The following JCAD variants were observed in gnomAD, a reference collection of about 807,000 sequenced individuals.
The protein encoded by JCAD is junctional cadherin 5-associated protein.
A neutral mutation model predicts 98.0 loss-of-function variants in JCAD; 40 were observed. The observed-to-expected ratio is 0.41, with a 90% confidence interval of 0.32 to 0.53. The LOEUF is 0.53. JCAD is among the 20% of genes least tolerant of loss of function. The probability of loss-of-function intolerance (pLI) is 0.31; values close to 1 mark genes in which losing one functional copy is unlikely to be tolerated. For synonymous variants in JCAD, 691 were observed against 682.3 expected (o/e 1.01, Z -0.20); for missense variants, 1,705 against 1,738.1 (o/e 0.98, Z 0.34).
intron 1 of JCAD, among the ~76,000 whole-genome samples, chr10:30,083,612 T>C (rs1838121351): frequency 6.6e-6 from 1 of 152,214 alleles, no homozygotes. Context: ...AAAATGCCTA[T>C]AAGCAAATCT....
At chr10:30,054,894 C>T (rs536209393) in intron 1 of JCAD, among the ~76,000 whole-genome samples, 14 of 152,252 alleles carry the variant, frequency 9.2e-5, no homozygotes, top group Admixed American at 5.2e-4. Flanking sequence ...TGGTCTCGAT[C>T]TCCTGACCTC....
intron 1 of JCAD, among the ~76,000 whole-genome samples, chr10:30,115,155 C>G (rs1838770090): frequency 6.6e-6 from 1 of 152,176 alleles, no homozygotes; most frequent in African/African-American, 2.4e-5. Flanking sequence ...CTCAAACACC[C>G]AGCGCTTTCT....
rs574933039 is a variant in JCAD at position 30,091,017 on chromosome 10, C to T, written n.129-21196G>A. 3.9e-5 allele frequency among the ~76,000 whole-genome samples: 6 copies of T among 152,302 alleles called. No individual in the cohort carries two copies. The East Asian group carries it at 9.6e-4, about 24-fold the overall frequency. On this transcript the variant is annotated intron_variant and non_coding_transcript_variant, in intron 1 of 2. Coordinates refer to the JCAD transcript ENST00000465712. Reference sequence around the variant, plus strand: ...GACTTACTCAGACCACAGGTGCACACGCTGGTCGTCATCTTCATGGCCAAA... The same window carrying T: ...GACTTACTCAGACCACAGGTGCACATGCTGGTCGTCATCTTCATGGCCAAA...
intron 1 of JCAD, among the ~76,000 whole-genome samples, chr10:30,071,591 G>T (rs1179522481): frequency 6.6e-6 from 1 of 152,142 alleles, no homozygotes; most frequent in East Asian, 1.9e-4. Flanking sequence ...GATAAGCTAA[G>T]GTCAGGAGTT....
chr10:30,047,033 G>A (rs1837351226), intron 2 of JCAD, among the ~76,000 whole-genome samples: 1 of 152,174 alleles, frequency 6.6e-6, no homozygotes, highest in Admixed American at 6.5e-5. Context: ...GCTGCAGTGA[G>A]TTATGACTGC....
chr10:30,067,403 T>A (rs1001097710), intron 2 of JCAD, among the ~76,000 whole-genome samples: 1 of 151,980 alleles, frequency 6.6e-6, no homozygotes, highest in Non-Finnish European at 1.5e-5. Context: ...CTCGGCTCAC[T>A]GCAACCTCCG....
intron 2 of JCAD, among the ~76,000 whole-genome samples, chr10:30,037,337 G>A (rs143926254): frequency 1.8e-3 from 270 of 152,294 alleles, no homozygotes; most frequent in African/African-American, 6.2e-3. Flanking sequence ...TCTGGGGTCC[G>A]GAGAAGATGA....
At chr10:30,021,060 T>G (rs1281248083) in intron 3 of JCAD, among the ~76,000 whole-genome samples, 1 of 152,236 alleles carries the variant, frequency 6.6e-6, no homozygotes, top group Non-Finnish European at 1.5e-5. Context: ...GATGGTCATT[T>G]CAGCTCACAC....
intron 1 of JCAD, among the ~76,000 whole-genome samples, chr10:30,094,566 G>C (rs1838338546): frequency 6.6e-6 from 1 of 152,194 alleles, no homozygotes; most frequent in African/African-American, 2.4e-5. Flanking sequence ...TGGGGCTGCT[G>C]CCACAGTGCA....
At chr10:30,083,349 G>T (rs143875947) in intron 1 of JCAD, among the ~76,000 whole-genome samples, 1 of 152,126 alleles carries the variant, frequency 6.6e-6, no homozygotes, top group African/African-American at 2.4e-5. Context: ...TCCATCAAAT[G>T]CTCAGCAGTC....
chr10:30,056,560 T>G (rs1837573436), intron 1 of JCAD, among the ~76,000 whole-genome samples: 1 of 152,078 alleles, frequency 6.6e-6, no homozygotes, highest in Non-Finnish European at 1.5e-5. Flanking sequence ...ATCTTGGTGC[T>G]TCTTCCTAAT....
chr10:30,024,796 C>T (rs868824746), intron 3 of JCAD, among the ~76,000 whole-genome samples: 2 of 150,982 alleles, frequency 1.3e-5, no homozygotes, highest in Admixed American at 6.6e-5. Flanking sequence ...CCCAGGTTCA[C>T]GCCATTCTCC....
intron 1 of JCAD, among the ~76,000 whole-genome samples, chr10:30,072,724 C>G (rs887555052): frequency 3.3e-5 from 5 of 151,926 alleles, no homozygotes; most frequent in African/African-American, 1.2e-4. Flanking sequence ...GCAATCTAAG[C>G]TCACTGCAAC....
chr10:30,064,397 T>A (rs1466285399), upstream of JCAD, among the ~76,000 whole-genome samples: 2 of 152,126 alleles, frequency 1.3e-5, no homozygotes, highest in Non-Finnish European at 2.9e-5. Context: ...CTACAAGAAA[T>A]AAATTTCTAT....
At chr10:30,095,444 C>T (rs1376437415) in intron 1 of JCAD, among the ~76,000 whole-genome samples, 7 of 152,192 alleles carry the variant, frequency 4.6e-5, no homozygotes, top group Non-Finnish European at 4.4e-5. Context: ...TCCCAGGTGC[C>T]TTGGAGGTAT....
upstream of JCAD, among the ~76,000 whole-genome samples, chr10:30,060,883 A>T (rs979251109): frequency 5.9e-5 from 9 of 152,194 alleles, no homozygotes; most frequent in Non-Finnish European, 1.2e-4. Context: ...TGTTCTCTTG[A>T]ATCATATGTT....
At chr10:30,089,514 G>T (rs1271983084) in intron 1 of JCAD, among the ~76,000 whole-genome samples, 1 of 11,788 alleles carries the variant, frequency 8.5e-5, no homozygotes, top group Admixed American at 7.6e-4. Flanking sequence ...TGCTTCTTCC[G>T]TGTGTGTGTG....
chr10:30,096,126 A>G (rs1838364064), intron 1 of JCAD, among the ~76,000 whole-genome samples: 1 of 152,220 alleles, frequency 6.6e-6, no homozygotes, highest in African/African-American at 2.4e-5. Context: ...GCTGCCAGGA[A>G]AGATGCCATC....
At chr10:30,092,120 ATATAT>A (rs1447738434) in intron 1 of JCAD, among the ~76,000 whole-genome samples, 4 of 114,774 alleles carry the variant, frequency 3.5e-5, no homozygotes, top group South Asian at 2.7e-4. Context: ...ATATATATAT[ATATAT>A]AAAAAACATT....
Sources: gnomAD v4.1 joint callset for allele counts (sites outside exome capture counted in the v4.1 genomes callset) on GRCh38, gnomAD v4.1.1 for gene constraint, MANE v1.5 for transcripts, NCBI Gene and HGNC (gene_info 2026-07-23, HGNC 2026-07-21) for gene names.